Variants in DISP1 observed in about 807,000 individuals in gnomAD.
The protein encoded by DISP1 is protein dispatched homolog 1.
A neutral mutation model predicts 37.3 loss-of-function variants in DISP1; 30 were observed. That is an observed-to-expected ratio of 0.80 (90% confidence interval 0.60 to 1.09). The LOEUF (loss-of-function observed/expected upper bound fraction) is 1.09. Ranked by LOEUF, DISP1 falls within the 50% of genes least tolerant of loss-of-function variation. The pLI is 0.00. For missense variants in DISP1, 1,598 were observed against 1,879.5 expected, an observed-to-expected ratio of 0.85 and a Z score of 2.77; for synonymous variants, 634 against 690.2, an observed-to-expected ratio of 0.92 and a Z score of 1.28.
chr1:222,860,281 C>A (rs1056322965), intron 1 of DISP1, among the ~76,000 whole-genome samples: 1 of 152,018 alleles, frequency 6.6e-6, no homozygotes, highest in African/African-American at 2.4e-5. Context: ...CTTGAACTCC[C>A]GACCTCAGGT....
chr1:222,966,336 G>A (rs1449090421), intron 3 of DISP1, among the ~76,000 whole-genome samples: 1 of 152,132 alleles, frequency 6.6e-6, no homozygotes, highest in African/African-American at 2.4e-5. Flanking sequence ...TAGTTTTATT[G>A]TAGATCAGTG....
Position 223,002,465 on chromosome 1 carries a change from C to G in DISP1, c.1068C>G (p.Asn356Lys). 6.2e-7 allele frequency: 1 copy of G among 1,614,174 alleles called. No individual in the cohort carries two copies. The highest frequency in any genetic ancestry group is 8.5e-7 in the Non-Finnish European group (1 of 1,180,036). ...GCTGCCCCAGCTGGACACTGGGAAA[C>G]TACATCGCCATTCTGAACAATAGAT... The part of the protein sequence containing the change: ...ASCCPSWTLG[N>K]YIAILNNRSS... Residue 356 changes from asparagine to lysine, a missense_variant, in exon 9 of 9, where the codon AAC (asparagine) becomes AAG (lysine). By Grantham distance (94) the Asn-to-Lys change is moderately conservative. Coordinates refer to ENST00000675850, the MANE Select transcript of DISP1 (RefSeq NM_001377229.1).
At chr1:222,940,200 C>T (rs1042227415) in intron 2 of DISP1, among the ~76,000 whole-genome samples, 10 of 151,960 alleles carry the variant, frequency 6.6e-5, no homozygotes, top group South Asian at 4.1e-4. Context: ...CATTGGCTCA[C>T]GATTCTGCAG....
Position 222,942,528 on chromosome 1 carries a change from G to A in DISP1, c.-17-279G>A, listed in dbSNP as rs116787287. ...ACTGATTACTTGTGCATCTAGGATGGGGTGAGAAGAAGGGCACTGAAAGGA... is the reference window on the plus strand; with the variant it reads ...ACTGATTACTTGTGCATCTAGGATGAGGTGAGAAGAAGGGCACTGAAAGGA... On this transcript the variant is annotated intron_variant, in intron 2 of 8. Coordinates refer to ENST00000675850, the MANE Select transcript of DISP1 (RefSeq NM_001377229.1). Among the ~76,000 whole-genome samples the A allele has an allele frequency of 0.012, 1,764 of 152,000 alleles. 30 individuals are homozygous for A. Among genetic ancestry groups the A allele is most frequent in the African/African-American group, 0.041 (1,695 of 41,430 alleles).
intron 1 of DISP1, among the ~76,000 whole-genome samples, chr1:222,926,273 A>G (rs1272765050): frequency 1.3e-5 from 2 of 152,240 alleles, no homozygotes; most frequent in East Asian, 1.9e-4. Flanking sequence ...TTATGGCTGA[A>G]TAATATTCCA....
intron 1 of DISP1, among the ~76,000 whole-genome samples, chr1:222,891,760 A>G (rs1331622791): frequency 2.0e-5 from 3 of 152,170 alleles, no homozygotes; most frequent in African/African-American, 7.2e-5. Flanking sequence ...GTTTGAGGTG[A>G]TTAGTGAGTA....
chr1:222,956,539 A>G (rs1675610910), intron 3 of DISP1, among the ~76,000 whole-genome samples: 1 of 152,136 alleles, frequency 6.6e-6, no homozygotes, highest in African/African-American at 2.4e-5. Flanking sequence ...GCAATCCCTA[A>G]TAAAGATTTA....
At chr1:222,932,908 A>G (rs1168393615) in intron 2 of DISP1, among the ~76,000 whole-genome samples, 1 of 151,994 alleles carries the variant, frequency 6.6e-6, no homozygotes, top group East Asian at 1.9e-4. Flanking sequence ...TATCACTGAT[A>G]TCATTTACCT....
At chr1:222,961,717 C>T (rs1676069985) in intron 3 of DISP1, among the ~76,000 whole-genome samples, 1 of 152,090 alleles carries the variant, frequency 6.6e-6, no homozygotes, top group Non-Finnish European at 1.5e-5. Flanking sequence ...ATTTAGAAAA[C>T]CCCATCATCG....
At chr1:222,961,213 A>G (rs1031530417) in intron 3 of DISP1, among the ~76,000 whole-genome samples, 4 of 152,234 alleles carry the variant, frequency 2.6e-5, no homozygotes, top group African/African-American at 9.7e-5. Context: ...CAATGCGAAA[A>G]TCCTCAATAA....
intron 1 of DISP1, among the ~76,000 whole-genome samples, chr1:222,859,036 G>T (rs1194990078): frequency 6.6e-6 from 1 of 152,172 alleles, no homozygotes; most frequent in Non-Finnish European, 1.5e-5. Context: ...GCACACATAT[G>T]TTCATTGCAG....
At chr1:222,992,205 A>C in intron 7 of DISP1, 95 bp downstream of exon 7, 2 of 1,009,674 alleles carry the variant, frequency 2.0e-6, no homozygotes. Flanking sequence ...GTGTGTGGCT[A>C]GTCACACAGC....
intron 1 of DISP1, among the ~76,000 whole-genome samples, chr1:222,876,074 C>G (rs1669958612): frequency 6.6e-6 from 1 of 151,660 alleles, no homozygotes; most frequent in Non-Finnish European, 1.5e-5. Flanking sequence ...AGGGTAATAA[C>G]AGTATCTGCC....
intron 1 of DISP1, among the ~76,000 whole-genome samples, chr1:222,924,328 C>T (rs1473871360): frequency 1.3e-5 from 2 of 152,098 alleles, no homozygotes; most frequent in Non-Finnish European, 2.9e-5. Context: ...TATCCAAATT[C>T]ATAAAAACTG....
Position 223,002,446 on chromosome 1 carries a change from C to G in DISP1, c.1049C>G (p.Pro350Arg), listed in dbSNP as rs1679527213. ...CQRTTAASCCPSWTLGNYIAI... is the reference protein window; with the variant it reads ...CQRTTAASCCRSWTLGNYIAI... Reference sequence around the variant, plus strand: ...AGGACCACTGCTGCCTCCTGCTGCCCCAGCTGGACACTGGGAAACTACATC... The same window carrying G: ...AGGACCACTGCTGCCTCCTGCTGCCGCAGCTGGACACTGGGAAACTACATC... The change falls in exon 9 of 9, where the codon CCC (proline) becomes CGC (arginine). Residue 350 changes from proline to arginine, a missense_variant. Coordinates refer to ENST00000675850, the MANE Select transcript of DISP1 (RefSeq NM_001377229.1). The G allele has an allele frequency of 6.2e-7, 1 of 1,613,968 alleles. No individual in the cohort carries two copies. Among genetic ancestry groups the G allele is most frequent in the African/African-American group, 1.3e-5 (1 of 74,878 alleles).
intron 1 of DISP1, among the ~76,000 whole-genome samples, chr1:222,865,631 A>G (rs1018754707): frequency 6.6e-6 from 1 of 152,226 alleles, no homozygotes; most frequent in African/African-American, 2.4e-5. Flanking sequence ...TTTTAAGTGT[A>G]GACATTTAAA....
chr1:222,827,868 G>A (rs1664803662), intron 1 of DISP1, among the ~76,000 whole-genome samples: 1 of 152,120 alleles, frequency 6.6e-6, no homozygotes, highest in African/African-American at 2.4e-5. Flanking sequence ...TCCTGAATAA[G>A]GAAGGAATAC....
chr1:222,838,656 T>C (rs1667400436), intron 1 of DISP1, among the ~76,000 whole-genome samples: 1 of 152,152 alleles, frequency 6.6e-6, no homozygotes, highest in South Asian at 2.1e-4. Flanking sequence ...TCTGTAGTCT[T>C]ATCCAGTCAG....
chr1:222,872,466 C>G (rs1423958698), intron 1 of DISP1: 1 of 152,084 alleles, frequency 6.6e-6, no homozygotes, highest in Non-Finnish European at 1.5e-5. Flanking sequence ...ATTTCAGAGC[C>G]TGTTATTGGT....
Sources: allele counts gnomAD v4.1 joint callset (sites outside exome capture counted in the v4.1 genomes callset), GRCh38; gene constraint gnomAD v4.1.1; transcripts MANE v1.5; gene names NCBI Gene and HGNC (gene_info 2026-07-23, HGNC 2026-07-21).